CCN4: variants seen among roughly 807,000 people sequenced by gnomAD.
CCN4 encodes CCN family member 4.
A neutral mutation model predicts 36.7 loss-of-function variants in CCN4; 30 were observed. The ratio of observed to expected loss-of-function variants is 0.82; its 90% CI spans 0.61 to 1.11. The LOEUF is 1.11. Ranked by LOEUF, CCN4 falls within the 50% of genes least tolerant of loss-of-function variation. The pLI, the probability that CCN4 is intolerant of heterozygous loss-of-function variation, is 0.00. For synonymous variants in CCN4, 191 were observed against 195.4 expected (o/e 0.98, Z 0.19); for missense variants, 505 against 504.9 (o/e 1.00, Z 0.00).
At chr8:133,218,951 C>A (rs924011183) in intron 2 of CCN4, among the ~76,000 whole-genome samples, 2 of 152,098 alleles carry the variant, frequency 1.3e-5, no homozygotes, top group East Asian at 3.9e-4. Flanking sequence ...TCCTTTCCCC[C>A]GCACAGCCCC....
At chr8:133,225,931 C>T (rs555932041) in intron 4 of CCN4, among the ~76,000 whole-genome samples, 1 of 152,280 alleles carries the variant, frequency 6.6e-6, no homozygotes, top group African/African-American at 2.4e-5. Flanking sequence ...ACAGCAGCCA[C>T]ACTGGGTGAT....
At chr8:133,216,750 G>C (rs1435888417) in intron 2 of CCN4, among the ~76,000 whole-genome samples, 1 of 152,204 alleles carries the variant, frequency 6.6e-6, no homozygotes, top group Non-Finnish European at 1.5e-5. Flanking sequence ...TTTAGATCCT[G>C]GCTCTGCCAC....
intron 1 of CCN4, among the ~76,000 whole-genome samples, chr8:133,210,732 T>G (rs1330186253): frequency 6.6e-6 from 1 of 152,224 alleles, no homozygotes; most frequent in Admixed American, 6.5e-5. Flanking sequence ...TGCCCCATCC[T>G]GCCCTCACCC....
At position 133,227,405 on chromosome 8, in the gene CCN4, C is replaced by G. The variant is rs1470634520; in HGVS notation, c.805-6C>G. ...TCCCACTGAAAGCTCCTTTCCTTTC[C>G]TTCAGGCAGGGAAGAAGTGTCTGGC... On this transcript the variant is annotated splice_region_variant and splice_polypyrimidine_tract_variant and intron_variant, in intron 4 of 4. Coordinates refer to ENST00000250160, the MANE Select transcript of CCN4 (RefSeq NM_003882.4). 6.2e-7 allele frequency: 1 copy of G among 1,602,914 alleles called. No individual in the cohort carries two copies. Among genetic ancestry groups the G allele is most frequent in the Non-Finnish European group, 8.5e-7 (1 of 1,173,324 alleles).
chr8:133,191,099 A>G lies in CCN4; in HGVS notation c.-46A>G. ...CCCAGCTCCCCCGAGAGGTGGTCGGATCCTCTGGGCTGCTCGGTCGATGCC... is the reference window on the plus strand; with the variant it reads ...CCCAGCTCCCCCGAGAGGTGGTCGGGTCCTCTGGGCTGCTCGGTCGATGCC... On this transcript the variant is annotated 5_prime_UTR_variant, in exon 1 of 5. Coordinates refer to ENST00000250160, the MANE Select transcript of CCN4 (RefSeq NM_003882.4). The G allele has an allele frequency of 6.3e-7, 1 of 1,599,666 alleles. No individual in the cohort carries two copies. Among genetic ancestry groups the G allele is most frequent in the East Asian group, 2.2e-5 (1 of 44,758 alleles).
rs911506336 is a variant in CCN4, at chr8:133,228,017, C to T, written c.*307C>T. The T allele has an allele frequency of 1.7e-5, 5 of 293,888 alleles. No homozygotes were observed. Among genetic ancestry groups the T allele is most frequent in the African/African-American group, 1.1e-4 (5 of 46,418 alleles). The allele number at this position is 293,888 out of a possible 1,614,324, so 18.2% of individuals were successfully genotyped here. A position where few individuals can be genotyped will look rare whatever the true frequency, so the allele number is the denominator to read the frequency against. Reference sequence around the variant, plus strand: ...AGTCCTGCTGGATCTTGCCTAAATCCCAAGAAATGGAATCAGGTAGACTTT... The same window carrying T: ...AGTCCTGCTGGATCTTGCCTAAATCTCAAGAAATGGAATCAGGTAGACTTT... On this transcript the variant is annotated 3_prime_UTR_variant, in exon 5 of 5. Coordinates refer to ENST00000250160, the MANE Select transcript of CCN4 (RefSeq NM_003882.4).
At chr8:133,217,625 A>G (rs1290827931) in intron 2 of CCN4, among the ~76,000 whole-genome samples, 1 of 152,082 alleles carries the variant, frequency 6.6e-6, no homozygotes, top group Non-Finnish European at 1.5e-5. Context: ...CCAAAGCCCC[A>G]AGGAGAGAGA....
chr8:133,206,410 A>G (rs1013674897), intron 1 of CCN4, among the ~76,000 whole-genome samples: 1 of 152,218 alleles, frequency 6.6e-6, no homozygotes, highest in African/African-American at 2.4e-5. Context: ...TTGAGAGCCC[A>G]CATAGGATGC....
rs1408564282 is a variant in CCN4, at chr8:133,196,805, A to C, written c.69+5592A>C. 2.6e-5 allele frequency among the ~76,000 whole-genome samples: 4 copies of C among 152,248 alleles called. No homozygotes were observed. In the East Asian group the frequency reaches 7.7e-4, roughly 29 times the overall value. On this transcript the variant is annotated intron_variant, in intron 1 of 4. Transcript: ENST00000250160. ...CCAAGGGAAGGATTCTATTGTTCCA[A>C]TAGCAGGGCAGGGGAATTCCAACTT...
chr8:133,195,680 G>A (rs754265372), intron 1 of CCN4, among the ~76,000 whole-genome samples: 1 of 152,136 alleles, frequency 6.6e-6, no homozygotes, highest in African/African-American at 2.4e-5. Flanking sequence ...GAGTGGGCAC[G>A]GGAACAGGCC....
chr8:133,206,995 G>C (rs1109563), intron 1 of CCN4, among the ~76,000 whole-genome samples: 60 of 152,110 alleles, frequency 3.9e-4, no homozygotes, highest in African/African-American at 1.3e-3. Context: ...GCAGGAAGGC[G>C]GGGGGGAAAC....
intron 3 of CCN4, among the ~76,000 whole-genome samples, chr8:133,223,763 TG>T (rs1564266928): frequency 1.3e-5 from 2 of 152,108 alleles, no homozygotes; most frequent in African/African-American, 4.8e-5. Context: ...CATGCACATG[TG>T]TGTTTGGATG....
intron 3 of CCN4, among the ~76,000 whole-genome samples, chr8:133,224,582 C>T (rs1854658523): frequency 6.6e-6 from 1 of 152,106 alleles, no homozygotes; most frequent in African/African-American, 2.4e-5. Context: ...TAGCTACTTG[C>T]CTTTGAACTT....
At chr8:133,222,175 G>GA (rs759432716) in intron 3 of CCN4, among the ~76,000 whole-genome samples, 2 of 152,202 alleles carry the variant, frequency 1.3e-5, no homozygotes, top group Non-Finnish European at 2.9e-5. Context: ...TGGATAGATG[G>GA]ATGGGCTAAT....
At chr8:133,204,413 G>A (rs1250362689) in intron 1 of CCN4, among the ~76,000 whole-genome samples, 6 of 152,154 alleles carry the variant, frequency 3.9e-5, no homozygotes, top group Non-Finnish European at 8.8e-5. Context: ...AAGGAAGATG[G>A]TCTAAAATCT....
chr8:133,197,988 C>A (rs58984613), intron 1 of CCN4, among the ~76,000 whole-genome samples: 1,873 of 152,224 alleles, frequency 0.012, 40 homozygotes, highest in African/African-American at 0.042. Context: ...AGACTCCTTG[C>A]CTAGAGAGCT....
chr8:133,217,936 C>CCACACACACACGCACACACA (rs1554743636), intron 2 of CCN4, among the ~76,000 whole-genome samples: 2 of 144,430 alleles, frequency 1.4e-5, no homozygotes, highest in Non-Finnish European at 3.0e-5. Flanking sequence ...ACTCCCTTCT[C>CCACACACACACGCACACACA]CACACACACA....
Position 133,220,599 on chromosome 8 carries a change from G to A in CCN4, c.368G>A (p.Cys123Tyr). 6.2e-7 allele frequency: 1 copy of A among 1,613,860 alleles called. No individual in the cohort carries two copies. Among genetic ancestry groups the A allele is most frequent in the Non-Finnish European group, 8.5e-7 (1 of 1,179,764 alleles). ...GVCAQVVGVG[C>Y]VLDGVRYNNG... ...TTTGCAGAGGTGGTCGGTGTGGGCT[G>A]CGTCCTGGATGGGGTGCGCTACAAC... Residue 123 changes from cysteine to tyrosine, a missense_variant, in exon 3 of 5, where the codon TGC (cysteine) becomes TAC (tyrosine). Cys to Tyr is a radical substitution (Grantham distance 194). Coordinates refer to ENST00000250160, the MANE Select transcript of CCN4 (RefSeq NM_003882.4).
chr8:133,191,340 C>G, intron 1 of CCN4, 127 bp downstream of exon 1: 2 of 1,141,008 alleles, frequency 1.8e-6, no homozygotes, highest in Non-Finnish European at 2.4e-6. Context: ...TGGCCACTTA[C>G]AGGGCAAGGA....
Sources: gnomAD v4.1 joint callset for allele counts (sites outside exome capture counted in the v4.1 genomes callset) on GRCh38, gnomAD v4.1.1 for gene constraint, MANE v1.5 for transcripts, NCBI Gene and HGNC (gene_info 2026-07-23, HGNC 2026-07-21) for gene names.